PDPN: variants seen among roughly 807,000 people sequenced by gnomAD.
The protein encoded by PDPN is podoplanin.
PDPN carries 12 observed loss-of-function variants against 23.2 expected under a neutral mutation model. That is an observed-to-expected ratio of 0.52 (90% CI 0.33 to 0.84). The LOEUF (loss-of-function observed/expected upper bound fraction) is 0.84. Among genes scored for constraint, PDPN ranks in the 40% least tolerant of loss-of-function variants. PDPN has a pLI of 0.02. For missense variants in PDPN, 199 were observed against 212.2 expected (o/e 0.94, Z 0.39); for synonymous variants, 77 against 76.7 (o/e 1.00, Z -0.02).
intron 2 of PDPN, among the ~76,000 whole-genome samples, chr1:13,609,820 A>G (rs1204642542): frequency 6.6e-6 from 1 of 151,822 alleles, no homozygotes; most frequent in African/African-American, 2.4e-5. Context: ...TAATCCTAGC[A>G]CTTTGGGAGG....
At chr1:13,603,002 G>A (rs1215954325) in intron 1 of PDPN, among the ~76,000 whole-genome samples, 1 of 151,086 alleles carries the variant, frequency 6.6e-6, no homozygotes, top group Non-Finnish European at 1.5e-5. Flanking sequence ...AATGTAGTGA[G>A]ACCTTGTCTC....
intron 2 of PDPN, 103 bp from the exon 3 acceptor site, chr1:13,610,284 T>C: frequency 1.1e-6 from 1 of 893,046 alleles, no homozygotes; most frequent in East Asian, 2.6e-5. Flanking sequence ...CCATCATATG[T>C]TCCATATTTT....
intron 1 of PDPN, among the ~76,000 whole-genome samples, chr1:13,584,961 T>G (rs373786740): frequency 6.6e-6 from 1 of 152,190 alleles, no homozygotes; most frequent in East Asian, 1.9e-4. Context: ...TCTGTCAACA[T>G]TTTGTTTTCT....
chr1:13,599,298 C>T (rs1399611063), intron 1 of PDPN, among the ~76,000 whole-genome samples: 1 of 151,318 alleles, frequency 6.6e-6, no homozygotes, highest in Non-Finnish European at 1.5e-5. Flanking sequence ...AGGCGTAAGC[C>T]ACCATGCCCG....
chr1:13,595,973 A>G (rs1640485907), intron 1 of PDPN: 1 of 758,768 alleles, frequency 1.3e-6, no homozygotes, highest in African/African-American at 1.8e-5. Context: ...TGAGGCGGGC[A>G]GATCACCTGA....
At chr1:13,585,468 G>C in intron 1 of PDPN, 1 of 1,317,260 alleles carries the variant, frequency 7.6e-7, no homozygotes, top group Non-Finnish European at 9.9e-7. Flanking sequence ...TTCCTTTTTG[G>C]CGAGACAATG....
chr1:13,608,636 G>C (rs1016356649), intron 2 of PDPN, among the ~76,000 whole-genome samples: 3 of 151,888 alleles, frequency 2.0e-5, no homozygotes, highest in Non-Finnish European at 2.9e-5. Flanking sequence ...GCTCAGAGTC[G>C]CAGAGAAAAC....
chr1:13,607,391 A>G, intron 2 of PDPN, 85 bp downstream of exon 2: 2 of 976,700 alleles, frequency 2.0e-6, no homozygotes, highest in Admixed American at 3.4e-5. Context: ...TACTTTATAT[A>G]AAAATATATC....
At chr1:13,600,448 G>C (rs1183154703) in intron 1 of PDPN, among the ~76,000 whole-genome samples, 1 of 151,198 alleles carries the variant, frequency 6.6e-6, no homozygotes, top group Non-Finnish European at 1.5e-5. Context: ...GCTCACTACA[G>C]CCTCTGCCTC....
intron 1 of PDPN, among the ~76,000 whole-genome samples, chr1:13,598,692 A>G (rs946872796): frequency 2.0e-5 from 3 of 151,702 alleles, no homozygotes; most frequent in African/African-American, 7.3e-5. Flanking sequence ...CAGCCCCTCC[A>G]CCTGGCCACA....
At chr1:13,610,807 G>T (rs577174279) in intron 3 of PDPN, among the ~76,000 whole-genome samples, 2 of 152,094 alleles carry the variant, frequency 1.3e-5, no homozygotes, top group African/African-American at 4.8e-5. Flanking sequence ...AGAATGTGAC[G>T]TGAAGAACTT....
chr1:13,605,089 A>C (rs1467013460), intron 1 of PDPN, among the ~76,000 whole-genome samples: 1 of 152,252 alleles, frequency 6.6e-6, no homozygotes, highest in East Asian at 1.9e-4. Flanking sequence ...CTAACTTCAG[A>C]GGCTTCCTCT....
chr1:13,597,326 G>A (rs1019650750), intron 1 of PDPN, among the ~76,000 whole-genome samples: 3 of 152,190 alleles, frequency 2.0e-5, no homozygotes, highest in African/African-American at 7.2e-5. Context: ...AGCGCAAGAT[G>A]CTACAAAACA....
chr1:13,589,817 G>A (rs552562629), intron 1 of PDPN, among the ~76,000 whole-genome samples: 2 of 147,784 alleles, frequency 1.4e-5, no homozygotes, highest in East Asian at 4.0e-4. Context: ...CAAACCACTT[G>A]TATTGATTGA....
intron 1 of PDPN, among the ~76,000 whole-genome samples, chr1:13,599,776 G>A (rs1381900804): frequency 6.6e-6 from 1 of 152,168 alleles, no homozygotes; most frequent in East Asian, 1.9e-4. Context: ...CTCTAGTGAT[G>A]AGAATGTGGC....
intron 1 of PDPN, among the ~76,000 whole-genome samples, chr1:13,584,718 A>G (rs187191869): frequency 6.0e-4 from 92 of 152,304 alleles, no homozygotes; most frequent in African/African-American, 2.1e-3. Context: ...GAGGAGTGTG[A>G]GTGCATGAGG....
chr1:13,616,004 C>T lies in PDPN; in HGVS notation c.*93C>T. On this transcript the variant is annotated 3_prime_UTR_variant, in exon 6 of 6. Transcript: ENST00000621990. ...TCCCTGAGCTCGTGGGAGAAGATGA[C>T]CCGTGGAACACTTGCCTGGCCCACT... is the stretch of plus-strand genomic sequence containing the variant. The T allele has an allele frequency of 8.2e-7, 1 of 1,215,274 alleles. No homozygotes were observed. Among genetic ancestry groups the T allele is most frequent in the Admixed American group, 1.7e-5 (1 of 58,702 alleles). 75.3% of individuals were successfully genotyped at this position (1,215,274 alleles called of 1,614,324 possible). A position where few individuals can be genotyped will look rare whatever the true frequency, so the allele number is the denominator to read the frequency against.
At chr1:13,595,851 G>T (rs1557540067) in intron 1 of PDPN, 1 of 1,287,224 alleles carries the variant, frequency 7.8e-7, no homozygotes, top group East Asian at 5.6e-5. Context: ...CAACTCGGGG[G>T]TGAAGCCTGG....
intron 1 of PDPN, among the ~76,000 whole-genome samples, chr1:13,599,411 A>T (rs1244134802): frequency 2.9e-5 from 3 of 102,206 alleles, no homozygotes; most frequent in Non-Finnish European, 5.4e-5. Flanking sequence ...TTTCAGACAG[A>T]GCCTTGCTCT....
Sources: allele counts gnomAD v4.1 joint callset (sites outside exome capture counted in the v4.1 genomes callset), GRCh38; gene constraint gnomAD v4.1.1; transcripts MANE v1.5; gene names NCBI Gene and HGNC (gene_info 2026-07-23, HGNC 2026-07-21).